The following MEST variants were observed in gnomAD, a reference collection of about 807,000 sequenced individuals.
MEST encodes the protein mesoderm-specific transcript homolog protein.
Under a neutral mutation model 50.9 loss-of-function variants are expected in MEST, and 18 were observed. That is an observed-to-expected ratio of 0.35 (90% confidence interval 0.24 to 0.52). The LOEUF (loss-of-function observed/expected upper bound fraction) is 0.52. Among genes scored for constraint, MEST ranks in the 20% least tolerant of loss-of-function variants. The pLI, the probability that MEST is intolerant of heterozygous loss-of-function variation, is 0.94. For missense variants in MEST, 282 were observed against 425.3 expected, an observed-to-expected ratio of 0.66 and a Z score of 2.96; for synonymous variants, 130 against 154.1, an observed-to-expected ratio of 0.84 and a Z score of 1.16.
Position 130,504,868 on chromosome 7 carries a change from G to C in MEST, c.891-71G>C, listed in dbSNP as rs1554439474. On this transcript the variant is annotated intron_variant, in intron 11 of 11. Transcript: ENST00000223215. The stretch of plus-strand genomic sequence containing the variant: ...GGTGTGTCCACAGGGTCATTTACTG[G>C]GGCTTCCCACTGGCTTACATCCCTC... 6.1e-6 allele frequency: 7 copies of C among 1,146,306 alleles called. No homozygotes were observed. In the African/African-American group the frequency reaches 1.1e-4, roughly 17 times the overall value. 71.0% of individuals were successfully genotyped at this position (1,146,306 alleles called of 1,614,324 possible). A position where few individuals can be genotyped will look rare whatever the true frequency, so the allele number is the denominator to read the frequency against.
chr7:130,490,367 C>T (rs1269957204), upstream of MEST, among the ~76,000 whole-genome samples: 1 of 152,208 alleles, frequency 6.6e-6, no homozygotes, highest in Non-Finnish European at 1.5e-5. Context: ...GCCTCCGGTG[C>T]TTTGCGAAAG....
In MEST at chr7:130,503,919, TTTCTC is replaced by T. The variant is rs764801533; in HGVS notation, c.827-11_827-7del. The T allele has an allele frequency of 6.2e-7, 1 of 1,604,900 alleles. No homozygotes were observed. On this transcript the variant is annotated splice_polypyrimidine_tract_variant and intron_variant, in intron 10 of 11. Coordinates refer to ENST00000223215, the MANE Select transcript of MEST (RefSeq NM_002402.4). ...GAGAGCTGTTAAGTATTTCATTCCTTTTCTCTTTTCTAGTTCATTTTATCTATGGG... is the reference window on the plus strand; with the variant it reads ...GAGAGCTGTTAAGTATTTCATTCCTTTTTTCTAGTTCATTTTATCTATGGG...
intron 1 of MEST, among the ~76,000 whole-genome samples, chr7:130,493,420 A>G (rs1554435980): frequency 6.6e-6 from 1 of 152,122 alleles, no homozygotes. Context: ...TGGCCAAAAA[A>G]TGTTTGCTTA....
chr7:130,499,989 C>A, intron 7 of MEST, 74 bp downstream of exon 7: 2 of 1,213,960 alleles, frequency 1.6e-6, no homozygotes, highest in Non-Finnish European at 2.4e-6. Context: ...CTTTTAAGGG[C>A]CATAGCTCCT....
upstream of MEST, chr7:130,489,495 AT>A (rs1422360953): frequency 2.0e-5 from 3 of 152,236 alleles, no homozygotes; most frequent in Non-Finnish European, 2.9e-5. Flanking sequence ...AATCAGGCAC[AT>A]TTAGAAGATT....
At position 130,505,102 on chromosome 7, in the gene MEST, G is replaced by C. The variant is rs1050582; in HGVS notation, c.*46G>C. 722,008 of 1,357,274 alleles carry C rather than the reference G, an allele frequency of 0.53. 196,551 individuals carry two copies. Among genetic ancestry groups the C allele is most frequent in the East Asian group, 0.61 (26,438 of 43,598 alleles). The allele number at this position is 1,357,274 out of a possible 1,614,324, so 84.1% of individuals were successfully genotyped here. ...TGTATTACCTCCCCTACTCCCTTAT[G>C]TGTTGTGTATTCCACTTAGGAAGAA... On this transcript the variant is annotated 3_prime_UTR_variant, in exon 12 of 12. Transcript: ENST00000223215.
At chr7:130,502,621 A>C in intron 9 of MEST, 23 bp from the exon 10 acceptor site, 1 of 1,597,256 alleles carries the variant, frequency 6.3e-7, no homozygotes, top group Non-Finnish European at 8.6e-7. Flanking sequence ...TGTTCTGCAC[A>C]TGCTGACTTA....
At chr7:130,499,554 G>T (rs545833665) in intron 6 of MEST, among the ~76,000 whole-genome samples, 1 of 152,254 alleles carries the variant, frequency 6.6e-6, no homozygotes, top group African/African-American at 2.4e-5. Flanking sequence ...GGGATTTATT[G>T]TGACCAGTTA....
At chr7:130,499,940 TA>T in intron 7 of MEST, 25 bp downstream of exon 7, 1 of 1,600,676 alleles carries the variant, frequency 6.2e-7, no homozygotes, top group East Asian at 2.2e-5. Flanking sequence ...GATAGACCTT[TA>T]GTTTTAGGAT....
At position 130,497,855 on chromosome 7, in the gene MEST, C is replaced by A; in HGVS notation, c.262-81C>A. On this transcript the variant is annotated intron_variant, in intron 3 of 11. Coordinates refer to ENST00000223215, the MANE Select transcript of MEST (RefSeq NM_002402.4). The surrounding 1 kb of genome is among the most constrained non-coding windows in gnomAD (Gnocchi z 4.0). ...GGAAGTCTGTTAAGCCAAGATAGGG[C>A]TGAAGCTCCTGTGCAACTGTAGGTC... is the stretch of plus-strand genomic sequence containing the variant. 1 of 1,289,096 alleles carries A rather than the reference C, an allele frequency of 7.8e-7. No individual in the cohort carries two copies. Among genetic ancestry groups the A allele is most frequent in the Non-Finnish European group, 1.1e-6 (1 of 884,716 alleles). The allele number at this position is 1,289,096 out of a possible 1,614,324, so 79.9% of individuals were successfully genotyped here.
upstream of MEST, chr7:130,492,011 G>T: frequency 5.2e-6 from 1 of 192,478 alleles, no homozygotes; most frequent in Non-Finnish European, 1.1e-5. The surrounding 1 kb of genome is among the most constrained non-coding windows in gnomAD (Gnocchi z 7.6). Flanking sequence ...AGGCGGTAGG[G>T]GTTCTGCGGC....
chr7:130,493,525 G>GC (rs1554436009), intron 1 of MEST, among the ~76,000 whole-genome samples: 1 of 152,126 alleles, frequency 6.6e-6, no homozygotes, highest in Non-Finnish European at 1.5e-5. Flanking sequence ...ACAAAAAATG[G>GC]CCCCCTGAGA....
rs1266878491 is a variant in MEST at position 130,500,041 on chromosome 7, T to C, written c.576+126T>C. On this transcript the variant is annotated intron_variant, in intron 7 of 11. Transcript: ENST00000223215. The surrounding 1 kb of genome is among the most constrained non-coding windows in gnomAD (Gnocchi z 5.0). The stretch of plus-strand genomic sequence containing the variant: ...AAATCCTCTTCCTTGTGAATTTCTA[T>C]TAATGAAGTTACTTTTTCCCTTCTT... 9 of 841,930 alleles carry C rather than the reference T, an allele frequency of 1.1e-5. No individual in the cohort carries two copies. In the East Asian group the frequency reaches 1.6e-4, roughly 15 times the overall value. The allele number at this position is 841,930 out of a possible 1,614,324, so 52.2% of individuals were successfully genotyped here. A position where few individuals can be genotyped will look rare whatever the true frequency, so the allele number is the denominator to read the frequency against.
chr7:130,493,002 T>C (rs1345631207), intron 1 of MEST, among the ~76,000 whole-genome samples: 5 of 152,012 alleles, frequency 3.3e-5, no homozygotes, highest in Non-Finnish European at 7.4e-5. Context: ...TGGCGCACCT[T>C]AGGATTTCAA....
At chr7:130,496,970 T>C in intron 2 of MEST, 186 bp from the exon 3 acceptor site, 1 of 436,536 alleles carries the variant, frequency 2.3e-6, no homozygotes, top group Non-Finnish European at 4.1e-6. Context: ...ATATACAGAT[T>C]GAAAGGAGAA....
In MEST at chr7:130,502,764, G is replaced by A. The variant is rs371038738; in HGVS notation, c.826+44G>A. 277 of 1,460,092 alleles carry A rather than the reference G, an allele frequency of 1.9e-4. 1 individual carries two copies. Among genetic ancestry groups the A allele is most frequent in the South Asian group, 1.5e-3 (130 of 87,606 alleles). 90.4% of individuals were successfully genotyped at this position (1,460,092 alleles called of 1,614,324 possible). A position where few individuals can be genotyped will look rare whatever the true frequency, so the allele number is the denominator to read the frequency against. On this transcript the variant is annotated intron_variant, in intron 10 of 11. Transcript: ENST00000223215. ...TTGATAGGAAACTGAAGGACTATAG[G>A]GTTAAAGTAATCGCAACTCCTTTAT... is the stretch of plus-strand genomic sequence containing the variant.
upstream of MEST, chr7:130,487,319 T>A (rs1798655464): frequency 6.6e-6 from 1 of 152,220 alleles, no homozygotes; most frequent in South Asian, 2.1e-4. Flanking sequence ...CCTATTTATC[T>A]GTTTGAGTGG....
In MEST at chr7:130,498,464, T is replaced by C; in HGVS notation, c.522T>C (p.Cys174=). ...RSGRLTIKSL[C]LSNGGIFPET... is the part of the protein sequence containing the mutation. ...GTCGGCTTACCATAAAGAGTCTCTG[T>C]CTGTCAAATGGAGGTAATTGCCTTG... Residue 174 remains cysteine (C), a synonymous_variant, in exon 6 of 12, where the codon TGT becomes TGC. Transcript: ENST00000223215. The C allele has an allele frequency of 3.7e-6, 6 of 1,614,190 alleles. No homozygotes were observed. The highest frequency in any genetic ancestry group is 4.2e-6 in the Non-Finnish European group (5 of 1,180,036).
intron 5 of MEST, 43 bp from the exon 6 acceptor site, chr7:130,498,376 A>G (rs782123471): frequency 1.2e-6 from 2 of 1,613,034 alleles, no homozygotes; most frequent in Non-Finnish European, 1.7e-6. Context: ...GCACTGGTTT[A>G]AGTTTGCTCA....
Sources: allele counts gnomAD v4.1 joint callset (sites outside exome capture counted in the v4.1 genomes callset), GRCh38; gene constraint gnomAD v4.1.1; non-coding constraint Gnocchi (gnomAD v3.1); transcripts MANE v1.5; gene names NCBI Gene and HGNC (gene_info 2026-07-23, HGNC 2026-07-21).